Variants in RALYL observed in about 807,000 individuals in gnomAD.
RALYL encodes the protein RALY RNA binding protein like.
Under a neutral mutation model 35.1 loss-of-function variants are expected in RALYL, and 29 were observed. The ratio of observed to expected loss-of-function variants is 0.83; its 90% CI spans 0.61 to 1.13. The LOEUF (loss-of-function observed/expected upper bound fraction) is 1.13. Ranked by LOEUF, RALYL falls within the 50% of genes most tolerant of loss-of-function variation. The pLI, the probability that RALYL is intolerant of heterozygous loss-of-function variation, is 0.00. For synonymous variants in RALYL, 120 were observed against 127.6 expected (o/e 0.94, Z 0.40); for missense variants, 359 against 360.4 (o/e 1.00, Z 0.03).
At chr8:84,280,648 C>A (rs999289184) in intron 1 of RALYL, among the ~76,000 whole-genome samples, 2 of 151,642 alleles carry the variant, frequency 1.3e-5, no homozygotes, top group Non-Finnish European at 2.9e-5. Flanking sequence ...CTGACTTTAT[C>A]TTTGCAGCAA....
intron 1 of RALYL, among the ~76,000 whole-genome samples, chr8:84,339,553 C>A (rs1848408659): frequency 6.6e-6 from 1 of 151,760 alleles, no homozygotes; most frequent in Non-Finnish European, 1.5e-5. Flanking sequence ...AATTGTAGAA[C>A]TATTTTATTA....
rs552718039 is a variant in RALYL, at chr8:84,258,836, G to A, written c.-24+74412G>A. On this transcript the variant is annotated intron_variant, in intron 1 of 8. Transcript: ENST00000521268. ...TCACATCATTGTCTTTGAAAGTTCA[G>A]GTCTAGAGATACCTCCTCTGTGAGG... Among the ~76,000 whole-genome samples, 4 of 152,192 alleles carry A rather than the reference G, an allele frequency of 2.6e-5. No individual in the cohort carries two copies. The South Asian group carries it at 8.3e-4, about 32-fold the overall frequency.
intron 1 of RALYL, among the ~76,000 whole-genome samples, chr8:84,491,856 AG>A (rs1318248994): frequency 6.6e-6 from 1 of 151,956 alleles, no homozygotes; most frequent in Non-Finnish European, 1.5e-5. Flanking sequence ...GAGCACTTGT[AG>A]GTTTCTTTCC....
intron 1 of RALYL, among the ~76,000 whole-genome samples, chr8:84,207,586 G>A (rs1215150000): frequency 6.6e-6 from 1 of 151,892 alleles, no homozygotes; most frequent in African/African-American, 2.4e-5. Flanking sequence ...GGGAGATGTT[G>A]GTCAAAGGTA....
intron 1 of RALYL, among the ~76,000 whole-genome samples, chr8:84,447,198 G>A (rs1359667503): frequency 1.3e-5 from 2 of 151,928 alleles, no homozygotes; most frequent in Non-Finnish European, 2.9e-5. Context: ...AACTGTTGTT[G>A]GATTTGGTTC....
intron 2 of RALYL, among the ~76,000 whole-genome samples, chr8:84,757,320 C>G (rs1262805367): frequency 3.3e-5 from 5 of 152,034 alleles, no homozygotes; most frequent in Non-Finnish European, 2.9e-5. Flanking sequence ...AAGGTAAAAA[C>G]TAGTTCCGAT....
intron 2 of RALYL, among the ~76,000 whole-genome samples, chr8:84,578,094 G>T (rs371615940): frequency 2.6e-5 from 4 of 152,206 alleles, no homozygotes; most frequent in Non-Finnish European, 5.9e-5. Context: ...TGCCAAGGGT[G>T]AGCCAGGCAC....
intron 1 of RALYL, among the ~76,000 whole-genome samples, chr8:84,371,572 C>CACACACACACACAGAAAGAGAGAGAG (rs60104734): frequency 1.5e-3 from 219 of 147,444 alleles, no homozygotes; most frequent in African/African-American, 5.3e-3. Context: ...CACACACACA[C>CACACACACACACAGAAAGAGAGAGAG]AGAAAGAGAG....
chr8:84,341,854 A>G (rs1008351187), intron 1 of RALYL, among the ~76,000 whole-genome samples: 2 of 152,076 alleles, frequency 1.3e-5, no homozygotes, highest in South Asian at 4.1e-4. Flanking sequence ...ATCAATATCT[A>G]TCATTTGAGA....
intron 1 of RALYL, among the ~76,000 whole-genome samples, chr8:84,284,465 C>T (rs1837226023): frequency 6.6e-6 from 1 of 152,172 alleles, no homozygotes; most frequent in South Asian, 2.1e-4. Context: ...CAAACTAGCA[C>T]ACTTCTAGCT....
chr8:84,798,057 A>ATATTCTTCACTCCACTCTTTTCTTCT (rs1822353877), intron 3 of RALYL, among the ~76,000 whole-genome samples: 1 of 152,120 alleles, frequency 6.6e-6, no homozygotes, highest in African/African-American at 2.4e-5. Flanking sequence ...GCCCAAATAA[A>ATATTCTTCACTCCACTCTTTTCTTCT]TATTCTTCAC....
chr8:84,581,370 G>A (rs1336528682), intron 2 of RALYL, among the ~76,000 whole-genome samples: 2 of 152,084 alleles, frequency 1.3e-5, no homozygotes, highest in African/African-American at 4.8e-5. Flanking sequence ...GAATTCTCCT[G>A]ACTATATCTA....
At chr8:84,651,404 A>C (rs1357957920) in intron 2 of RALYL, among the ~76,000 whole-genome samples, 3 of 152,038 alleles carry the variant, frequency 2.0e-5, no homozygotes, top group African/African-American at 7.2e-5. Flanking sequence ...AGGCACAAGC[A>C]GTGAAGATAA....
chr8:84,682,926 G>T (rs1366654769), intron 2 of RALYL, among the ~76,000 whole-genome samples: 3 of 151,746 alleles, frequency 2.0e-5, no homozygotes, highest in African/African-American at 7.3e-5. Flanking sequence ...TCTTTTAATT[G>T]TGATGTTAGG....
At chr8:84,630,266 G>C (rs1382280279) in intron 2 of RALYL, among the ~76,000 whole-genome samples, 1 of 151,980 alleles carries the variant, frequency 6.6e-6, no homozygotes, top group Non-Finnish European at 1.5e-5. Context: ...CCTAAATACA[G>C]CTTGGCTACC....
chr8:84,688,196 A>C (rs1342109039), intron 2 of RALYL, among the ~76,000 whole-genome samples: 1 of 152,056 alleles, frequency 6.6e-6, no homozygotes, highest in Non-Finnish European at 1.5e-5. Context: ...TTCTGTGTTA[A>C]ATAATATGTA....
intron 1 of RALYL, among the ~76,000 whole-genome samples, chr8:84,414,137 A>AT (rs200170750): frequency 0.029 from 4,454 of 152,176 alleles, 216 homozygotes; most frequent in African/African-American, 0.1. Context: ...GAGATTTATG[A>AT]TTTTTTTAAT....
intron 2 of RALYL, among the ~76,000 whole-genome samples, chr8:84,700,894 G>T (rs888764543): frequency 6.6e-6 from 1 of 152,068 alleles, no homozygotes; most frequent in Non-Finnish European, 1.5e-5. Context: ...ATTGTGCTGG[G>T]GTTGAAAATT....
intron 1 of RALYL, among the ~76,000 whole-genome samples, chr8:84,404,294 T>C (rs1356375265): frequency 6.6e-6 from 1 of 152,158 alleles, no homozygotes. Flanking sequence ...TTGAGTATGA[T>C]ATTGGCTGTG....
Sources: gnomAD v4.1 joint callset for allele counts (sites outside exome capture counted in the v4.1 genomes callset) on GRCh38, gnomAD v4.1.1 for gene constraint, MANE v1.5 for transcripts, NCBI Gene and HGNC (gene_info 2026-07-23, HGNC 2026-07-21) for gene names.